KAZN: variants seen among roughly 807,000 people sequenced by gnomAD.
KAZN encodes kazrin, periplakin interacting protein.
KAZN carries 40 observed loss-of-function variants against 87.4 expected under a neutral mutation model. That is an observed-to-expected ratio of 0.46 (90% CI 0.36 to 0.60). KAZN has a LOEUF of 0.60. Ranked by LOEUF, KAZN falls within the 20% of genes least tolerant of loss-of-function variation. The pLI, the probability that KAZN is intolerant of heterozygous loss-of-function variation, is 0.00. For synonymous variants in KAZN, 466 were observed against 458.3 expected (o/e 1.02, Z -0.22); for missense variants, 898 against 1,073.9 (o/e 0.84, Z 2.29).
chr1:14,105,688 AT>A (rs1644356121), intron 1 of KAZN, among the ~76,000 whole-genome samples: 1 of 152,214 alleles, frequency 6.6e-6, no homozygotes, highest in Admixed American at 6.5e-5. Context: ...ACATCTTCCA[AT>A]TAAGACAATT....
rs139044217 is a variant in KAZN, at chr1:14,685,039, G to A, written c.226+85816G>A. 2.2e-3 allele frequency among the ~76,000 whole-genome samples: 342 copies of A among 152,230 alleles called. 2 individuals carry two copies. Among genetic ancestry groups the A allele is most frequent in the African/African-American group, 7.8e-3 (322 of 41,524 alleles). On this transcript the variant is annotated intron_variant, in intron 1 of 14. Transcript: ENST00000376030. ...GTGCTCCATCCCGAGAGTAAAACTC[G>A]TATCTGAGGCTCTCTTAGTTTGGGT...
chr1:14,937,566 G>C (rs1199107792), intron 1 of KAZN, among the ~76,000 whole-genome samples: 1 of 152,218 alleles, frequency 6.6e-6, no homozygotes, highest in South Asian at 2.1e-4. Flanking sequence ...AGCCTCCTGA[G>C]TATGGGGCCT....
chr1:15,090,550 G>A (rs1321729873), intron 8 of KAZN, among the ~76,000 whole-genome samples: 1 of 152,242 alleles, frequency 6.6e-6, no homozygotes, highest in Non-Finnish European at 1.5e-5. Context: ...AGGAAGGTGG[G>A]GCCCTGGCGG....
intron 2 of KAZN, among the ~76,000 whole-genome samples, chr1:14,971,493 T>G (rs1665024460): frequency 6.6e-6 from 1 of 152,174 alleles, no homozygotes; most frequent in South Asian, 2.1e-4. Flanking sequence ...TTTTCCAAAC[T>G]GATTTTCTTC....
chr1:14,045,889 C>A (rs1642048813), intron 1 of KAZN, among the ~76,000 whole-genome samples: 1 of 152,164 alleles, frequency 6.6e-6, no homozygotes. Flanking sequence ...ACTAAGAGTT[C>A]TATTTCCACA....
intron 2 of KAZN, among the ~76,000 whole-genome samples, chr1:14,447,208 C>CATTATTATTATTATTATTATT (rs55650123): frequency 6.1e-5 from 8 of 131,178 alleles, no homozygotes; most frequent in South Asian, 2.8e-4. Context: ...GTTTCCACCA[C>CATTATTATTATTATTATTATT]ATTATTATTA....
chr1:14,351,822 G>A (rs1658574262), intron 2 of KAZN, among the ~76,000 whole-genome samples: 1 of 152,154 alleles, frequency 6.6e-6, no homozygotes. Flanking sequence ...CATCTTGTAA[G>A]GATTTTTATG....
At chr1:15,069,373 G>C (rs1371723737) in intron 8 of KAZN, among the ~76,000 whole-genome samples, 1 of 152,200 alleles carries the variant, frequency 6.6e-6, no homozygotes, top group Non-Finnish European at 1.5e-5. Flanking sequence ...CAAAAACTTT[G>C]GCCCAGAGAG....
At chr1:14,837,722 T>C (rs901187951) in intron 1 of KAZN, among the ~76,000 whole-genome samples, 3 of 151,406 alleles carry the variant, frequency 2.0e-5, no homozygotes, top group Non-Finnish European at 4.4e-5. Context: ...TGGATAATTA[T>C]TATTATTATT....
intron 1 of KAZN, among the ~76,000 whole-genome samples, chr1:14,890,868 C>G (rs561665862): frequency 1.3e-4 from 12 of 90,402 alleles, no homozygotes; most frequent in African/African-American, 5.4e-4. Flanking sequence ...TTTTTTGAAG[C>G]AGTCTCGCTC....
Position 14,681,611 on chromosome 1 carries a change from GTGTATATATATATA to G in KAZN, c.226+82390_226+82403del, listed in dbSNP as rs1343805343. On this transcript the variant is annotated intron_variant, in intron 1 of 14. Coordinates refer to ENST00000376030, the MANE Select transcript of KAZN (RefSeq NM_201628.3). ...ATTTTAACTATATATATATGTATAT[GTGTATATATATATA>G]TATATATATATATATATATATATAT... 6.5e-4 allele frequency among the ~76,000 whole-genome samples: 22 copies of G among 33,876 alleles called. No individual in the cohort carries two copies. The East Asian group carries it at 6.6e-3, about 10-fold the overall frequency. 22.2% of individuals were successfully genotyped at this position (33,876 alleles called of 152,430 possible). A position where few individuals can be genotyped will look rare whatever the true frequency, so the allele number is the denominator to read the frequency against.
intron 2 of KAZN, among the ~76,000 whole-genome samples, chr1:14,976,690 G>A (rs933888196): frequency 5.6e-4 from 86 of 152,290 alleles, no homozygotes; most frequent in Non-Finnish European, 2.2e-4. Context: ...GGCATTGGCC[G>A]TCCTGGGACA....
intron 1 of KAZN, among the ~76,000 whole-genome samples, chr1:14,754,292 T>A (rs1272929172): frequency 2.0e-5 from 3 of 152,182 alleles, no homozygotes; most frequent in East Asian, 1.9e-4. Flanking sequence ...CATAATCAGA[T>A]ATAAAACACA....
chr1:13,981,940 C>G (rs1638738222), intron 1 of KAZN, among the ~76,000 whole-genome samples: 1 of 152,208 alleles, frequency 6.6e-6, no homozygotes, highest in African/African-American at 2.4e-5. Flanking sequence ...AACCAGAAGA[C>G]TGACCTGGTC....
chr1:14,304,596 TC>T, intron 2 of KAZN: 2 of 398,404 alleles, frequency 5.0e-6, no homozygotes, highest in Non-Finnish European at 8.9e-6. Context: ...TCAGAAGTCA[TC>T]CATAAACACA....
intron 1 of KAZN, among the ~76,000 whole-genome samples, chr1:14,102,621 T>C (rs1369000227): frequency 6.6e-6 from 1 of 152,162 alleles, no homozygotes; most frequent in Non-Finnish European, 1.5e-5. Context: ...TCCATTTCCA[T>C]GTTTTGGGGG....
chr1:14,380,605 A>C (rs1661284322), intron 2 of KAZN, among the ~76,000 whole-genome samples: 1 of 152,208 alleles, frequency 6.6e-6, no homozygotes. Flanking sequence ...TTTTAATAGC[A>C]GAATTGATCA....
Position 14,571,851 on chromosome 1 carries a change from T to C in KAZN, c.250-27132T>C, listed in dbSNP as rs1046402394. On this transcript the variant is annotated intron_variant, in intron 2 of 16. Transcript: ENST00000636203. ...GATGGCAGGGAAGGAGAGGCAGGGC[T>C]TGCATTGAGTTAGCACCAGAGTGGG... Among the ~76,000 whole-genome samples, 7 of 152,144 alleles carry C rather than the reference T, an allele frequency of 4.6e-5. 1 individual carries two copies. Among genetic ancestry groups the C allele is most frequent in the Admixed American group, 3.9e-4 (6 of 15,286 alleles).
intron 2 of KAZN, among the ~76,000 whole-genome samples, chr1:14,395,091 A>AG (rs1158410487): frequency 6.6e-6 from 1 of 152,010 alleles, no homozygotes; most frequent in Non-Finnish European, 1.5e-5. Flanking sequence ...GGAGAGAGAG[A>AG]GGGAGAGAAT....
Sources: gnomAD v4.1 joint callset for allele counts (sites outside exome capture counted in the v4.1 genomes callset) on GRCh38, gnomAD v4.1.1 for gene constraint, MANE v1.5 for transcripts, NCBI Gene and HGNC (gene_info 2026-07-23, HGNC 2026-07-21) for gene names.